RPL22: variants seen among roughly 807,000 people sequenced by gnomAD.
RPL22 encodes the protein large ribosomal subunit protein eL22.
In RPL22, 4 loss-of-function variants were observed where a neutral mutation model predicts 16.2. That is an observed-to-expected ratio of 0.25 (90% CI 0.12 to 0.57). The LOEUF (loss-of-function observed/expected upper bound fraction) is 0.57, where lower values mean the gene tolerates loss of function less well. Ranked by LOEUF, RPL22 falls within the 20% of genes least tolerant of loss-of-function variation. RPL22 has a pLI of 0.92. For synonymous variants in RPL22, 43 were observed against 54.8 expected (o/e 0.78, Z 0.95); for missense variants, 83 against 156.1 (o/e 0.53, Z 2.49).
At chr1:6,188,402 C>G (rs1305549295) in intron 3 of RPL22, among the ~76,000 whole-genome samples, 1 of 152,128 alleles carries the variant, frequency 6.6e-6, no homozygotes, top group Non-Finnish European at 1.5e-5. Context: ...ATAAAGATGA[C>G]CTAAGGGCTG....
intron 1 of RPL22, chr1:6,198,693 T>G (rs1245471704): frequency 6.6e-6 from 1 of 152,254 alleles, no homozygotes; most frequent in Non-Finnish European, 1.5e-5. Context: ...CACTGATTTA[T>G]TTTTTACAAC....
chr1:6,197,341 A>G (rs1262336261), intron 2 of RPL22, among the ~76,000 whole-genome samples: 2 of 152,130 alleles, frequency 1.3e-5, no homozygotes, highest in African/African-American at 4.8e-5. Context: ...GTTTCTGGGT[A>G]ACTTTTAAGT....
At chr1:6,187,648 G>C (rs1416393267) in intron 3 of RPL22, among the ~76,000 whole-genome samples, 1 of 150,652 alleles carries the variant, frequency 6.6e-6, no homozygotes, top group African/African-American at 2.5e-5. Flanking sequence ...AACAAGAGCA[G>C]ATAAGTAGAT....
rs567851807 is a variant in RPL22 at position 6,187,491 on chromosome 1, G to A, written c.243-675C>T. On this transcript the variant is annotated intron_variant, in intron 3 of 3. Transcript: ENST00000234875. ...TAGCCAGACGTCGTGCTGGGCGCCT[G>A]TAGTCCCAGCTAGTCAGGAGGCTGA... Among the ~76,000 whole-genome samples the A allele has an allele frequency of 2.8e-4, 43 of 151,936 alleles. No individual in the cohort carries two copies. The South Asian group carries it at 8.3e-3, about 29-fold the overall frequency.
chr1:6,198,118 TCAAAAAAATACTATTTTTC>T, intron 1 of RPL22: 1 of 225,728 alleles, frequency 4.4e-6, no homozygotes, highest in Non-Finnish European at 8.8e-6. Context: ...ATTCCCAATT[TCAAAAAAATACTATTTTTC>T]CAAAATTAGA....
chr1:6,198,358 C>T (rs1452486297), intron 1 of RPL22: 1 of 152,460 alleles, frequency 6.6e-6, no homozygotes, highest in Non-Finnish European at 1.5e-5. Context: ...AATCTTATTA[C>T]AACACTACCG....
At position 6,186,088 on chromosome 1, in the gene RPL22, G is replaced by A. The variant is rs1203351685; in HGVS notation, c.*584C>T. 2.6e-5 allele frequency: 6 copies of A among 231,504 alleles called. No individual in the cohort carries two copies. The highest frequency in any genetic ancestry group is 4.3e-5 in the Non-Finnish European group (5 of 117,150). The allele number at this position is 231,504 out of a possible 1,614,324, so 14.3% of individuals were successfully genotyped here. A position where few individuals can be genotyped will look rare whatever the true frequency, so the allele number is the denominator to read the frequency against. On this transcript the variant is annotated 3_prime_UTR_variant, in exon 4 of 4. Transcript: ENST00000234875. ...TTTAGAACCTGGGACTTTTACAATCGATTCCCCAAACCCCTTTATGGCAGC... is the reference window on the plus strand; with the variant it reads ...TTTAGAACCTGGGACTTTTACAATCAATTCCCCAAACCCCTTTATGGCAGC...
intron 1 of RPL22, 138 bp downstream of exon 1, chr1:6,199,424 C>T (rs978596518): frequency 1.3e-5 from 18 of 1,433,198 alleles, no homozygotes; most frequent in Middle Eastern, 2.6e-4. Context: ...GGGGCTCTGG[C>T]CCGCTCCGGC....
rs1289252640 is a variant in RPL22, at chr1:6,186,848, A to C, written c.243-32T>G. The C allele has an allele frequency of 2.5e-6, 4 of 1,608,982 alleles. No individual in the cohort carries two copies. In the South Asian group the frequency reaches 3.3e-5, roughly 13 times the overall value. On this transcript the variant is annotated intron_variant, in intron 3 of 3. Transcript: ENST00000234875. Reference sequence around the variant, plus strand: ...AGAAAGGACACAAGAACTCCACTAGACAGTTGGTGCTTGCATTCTAAAACA... The same window carrying C: ...AGAAAGGACACAAGAACTCCACTAGCCAGTTGGTGCTTGCATTCTAAAACA...
At chr1:6,191,359 C>CAAAAAAA (rs769446432) in intron 3 of RPL22, among the ~76,000 whole-genome samples, 2 of 32,422 alleles carry the variant, frequency 6.2e-5, no homozygotes, top group Non-Finnish European at 1.1e-4. Context: ...GACTCCGTCT[C>CAAAAAAA]AAAAAAAAAA....
Position 6,185,476 on chromosome 1 carries a change from CCA to C in RPL22, c.*1194_*1195del. On this transcript the variant is annotated 3_prime_UTR_variant, in exon 4 of 4. Coordinates refer to ENST00000234875, the MANE Select transcript of RPL22 (RefSeq NM_000983.4). Reference sequence around the variant, plus strand: ...AAAGCCTCAACACGTTCAACTCAATCCACAGAGCACCAAATGTTTAATGGGAG... The same window carrying C: ...AAAGCCTCAACACGTTCAACTCAATCCAGAGCACCAAATGTTTAATGGGAG... 1 of 397,830 alleles carries C rather than the reference CCA, an allele frequency of 2.5e-6. No homozygotes were observed. The highest frequency in any genetic ancestry group is 4.4e-6 in the Non-Finnish European group (1 of 225,580). 24.6% of individuals were successfully genotyped at this position (397,830 alleles called of 1,614,324 possible).
chr1:6,198,040 TAC>T (rs1339273747), intron 1 of RPL22: 13 of 407,300 alleles, frequency 3.2e-5, no homozygotes, highest in Admixed American at 8.1e-5. Flanking sequence ...CCCCAATCTC[TAC>T]AGGCATGAAG....
intron 3 of RPL22, among the ~76,000 whole-genome samples, chr1:6,190,509 T>C (rs955086246): frequency 6.6e-6 from 1 of 152,186 alleles, no homozygotes; most frequent in Non-Finnish European, 1.5e-5. Context: ...GCCTACCCAG[T>C]AGCTGGGATT....
intron 2 of RPL22, among the ~76,000 whole-genome samples, chr1:6,197,405 T>A (rs1371551153): frequency 6.6e-6 from 1 of 152,230 alleles, no homozygotes. Flanking sequence ...CTAACACCTC[T>A]GTGCTAGAGC....
intron 2 of RPL22, among the ~76,000 whole-genome samples, chr1:6,193,716 G>A (rs549539947): frequency 3.3e-5 from 5 of 152,110 alleles, no homozygotes; most frequent in South Asian, 4.2e-4. Context: ...CTCCCAAAGC[G>A]TGGGGATTAC....
chr1:6,192,381 G>C (rs1219066021), intron 3 of RPL22, among the ~76,000 whole-genome samples: 1 of 152,166 alleles, frequency 6.6e-6, no homozygotes, highest in Non-Finnish European at 1.5e-5. Context: ...TTGAAAGCAA[G>C]TCTGAGTACC....
chr1:6,197,425 T>C (rs1323060013), intron 2 of RPL22, among the ~76,000 whole-genome samples: 1 of 152,222 alleles, frequency 6.6e-6, no homozygotes, highest in Non-Finnish European at 1.5e-5. Flanking sequence ...CCCTTCTTGC[T>C]TATTCTAAGC....
At chr1:6,189,534 T>C (rs1667623248) in intron 3 of RPL22, among the ~76,000 whole-genome samples, 1 of 148,842 alleles carries the variant, frequency 6.7e-6, no homozygotes. Context: ...TCTCCAGCCT[T>C]GGTGACAGAG....
Position 6,185,463 on chromosome 1 carries a change from C to A in RPL22, c.*1209G>T, listed in dbSNP as rs1397500915. ...CAAGTGAAATTGCAAAGCCTCAACACGTTCAACTCAATCCACAGAGCACCA... is the reference window on the plus strand; with the variant it reads ...CAAGTGAAATTGCAAAGCCTCAACAAGTTCAACTCAATCCACAGAGCACCA... On this transcript the variant is annotated 3_prime_UTR_variant, in exon 4 of 4. Transcript: ENST00000234875. The A allele has an allele frequency of 2.5e-6, 1 of 398,278 alleles. No individual in the cohort carries two copies. Among genetic ancestry groups the A allele is most frequent in the Non-Finnish European group, 4.4e-6 (1 of 225,724 alleles). The allele number at this position is 398,278 out of a possible 1,614,324, so 24.7% of individuals were successfully genotyped here.
Sources: gnomAD v4.1 joint callset for allele counts (sites outside exome capture counted in the v4.1 genomes callset) on GRCh38, gnomAD v4.1.1 for gene constraint, MANE v1.5 for transcripts, NCBI Gene and HGNC (gene_info 2026-07-23, HGNC 2026-07-21) for gene names.